The following CLVS1 variants were observed in gnomAD, a reference collection of about 807,000 sequenced individuals.
CLVS1 encodes the protein clavesin 1.
A neutral mutation model predicts 33.1 loss-of-function variants in CLVS1; 10 were observed. The ratio of observed to expected loss-of-function variants is 0.30; its 90% CI spans 0.19 to 0.51. The LOEUF (loss-of-function observed/expected upper bound fraction) is 0.51, where lower values mean the gene tolerates loss of function less well. CLVS1 is among the 20% of genes least tolerant of loss of function. The pLI is 0.97. For missense variants in CLVS1, 343 were observed against 433.4 expected (o/e 0.79, Z 1.85); for synonymous variants, 163 against 166.1 (o/e 0.98, Z 0.14).
chr8:61,424,350 T>G (rs1464371570), intron 3 of CLVS1, among the ~76,000 whole-genome samples: 1 of 152,218 alleles, frequency 6.6e-6, no homozygotes, highest in Non-Finnish European at 1.5e-5. Flanking sequence ...AGCACTACAA[T>G]GAAAGACTAA....
chr8:61,049,202 C>T, the CLVS1 span, among the ~76,000 whole-genome samples: 1 of 152,152 alleles, frequency 6.6e-6, no homozygotes, highest in Non-Finnish European at 1.5e-5. Flanking sequence ...TACAACAGTC[C>T]AGAAACAATC....
upstream of CLVS1, among the ~76,000 whole-genome samples, chr8:61,052,825 G>A (rs1585573043): frequency 6.6e-6 from 1 of 152,174 alleles, no homozygotes; most frequent in East Asian, 1.9e-4. Context: ...CATGCTGACA[G>A]GTTCATTCAG....
chr8:61,320,563 C>A (rs182794446), intron 2 of CLVS1, among the ~76,000 whole-genome samples: 6 of 152,308 alleles, frequency 3.9e-5, no homozygotes, highest in Non-Finnish European at 8.8e-5. Context: ...AGCATCTAAA[C>A]AACAGAAATG....
At chr8:61,270,950 C>T (rs560008262) in intron 2 of CLVS1, among the ~76,000 whole-genome samples, 189 of 151,322 alleles carry the variant, frequency 1.2e-3, no homozygotes, top group African/African-American at 4.4e-3. Context: ...TTTTGTTGAT[C>T]CTGTCAAAAA....
At chr8:61,378,610 C>A (rs924627366) in intron 3 of CLVS1, among the ~76,000 whole-genome samples, 1 of 152,172 alleles carries the variant, frequency 6.6e-6, no homozygotes, top group African/African-American at 2.4e-5. Context: ...CCCTGGGGAG[C>A]TGAGCTGGGG....
chr8:61,090,671 T>G (rs1340797302), intron 1 of CLVS1, among the ~76,000 whole-genome samples: 1 of 152,234 alleles, frequency 6.6e-6, no homozygotes, highest in Non-Finnish European at 1.5e-5. Context: ...CTTTTCATTT[T>G]CACCTGTTTT....
intron 1 of CLVS1, among the ~76,000 whole-genome samples, chr8:61,117,841 G>A (rs1177705556): frequency 6.6e-6 from 1 of 150,862 alleles, no homozygotes; most frequent in Non-Finnish European, 1.5e-5. Flanking sequence ...CTCTTTTTTT[G>A]TTGTGTCTCT....
At chr8:61,030,528 G>A in the CLVS1 span, among the ~76,000 whole-genome samples, 1 of 152,200 alleles carries the variant, frequency 6.6e-6, no homozygotes, top group Non-Finnish European at 1.5e-5. Flanking sequence ...CTGCAGTGTA[G>A]CACTGGTTAA....
intron 2 of CLVS1, among the ~76,000 whole-genome samples, chr8:61,314,971 A>T (rs780359317): frequency 1.3e-5 from 2 of 152,188 alleles, no homozygotes; most frequent in Non-Finnish European, 2.9e-5. Context: ...ATTTTATAAC[A>T]TCTCATCGGT....
chr8:60,973,770 G>C, the CLVS1 span, among the ~76,000 whole-genome samples: 1 of 152,138 alleles, frequency 6.6e-6, no homozygotes, highest in Non-Finnish European at 1.5e-5. Context: ...TAATGCTCAT[G>C]CTCGAGCTCA....
chr8:61,478,029 C>A (rs28793723), intron 5 of CLVS1, among the ~76,000 whole-genome samples: 6 of 151,950 alleles, frequency 3.9e-5, no homozygotes, highest in Non-Finnish European at 7.4e-5. Flanking sequence ...TTTGTTCTCA[C>A]TGGTTTCAAA....
the CLVS1 span, among the ~76,000 whole-genome samples, chr8:60,977,302 T>A: frequency 6.6e-6 from 1 of 152,008 alleles, no homozygotes; most frequent in Non-Finnish European, 1.5e-5. Context: ...AATAGGAAAA[T>A]ATGGTTCATT....
At chr8:61,054,461 A>G (rs1804441675), upstream of CLVS1, among the ~76,000 whole-genome samples, 1 of 152,228 alleles carries the variant, frequency 6.6e-6, no homozygotes, top group African/African-American at 2.4e-5. Context: ...TGGGGAAAGC[A>G]GACCAAGTAA....
At chr8:61,223,555 T>A (rs1273563580) in intron 2 of CLVS1, among the ~76,000 whole-genome samples, 7 of 152,224 alleles carry the variant, frequency 4.6e-5, no homozygotes, top group Admixed American at 3.3e-4. Flanking sequence ...CCACTGTTAC[T>A]CTGATGGGCT....
intron 2 of CLVS1, among the ~76,000 whole-genome samples, chr8:61,311,632 G>A (rs1257339200): frequency 6.6e-6 from 1 of 152,316 alleles, no homozygotes; most frequent in South Asian, 2.1e-4. Flanking sequence ...TGAGGGGGCT[G>A]TACTGACCTG....
At chr8:61,318,510 T>A (rs768714664) in intron 2 of CLVS1, among the ~76,000 whole-genome samples, 16 of 152,234 alleles carry the variant, frequency 1.1e-4, no homozygotes, top group Non-Finnish European at 2.2e-4. Flanking sequence ...TCAGGACTCA[T>A]GCATTTCTGT....
chr8:61,172,532 C>G (rs1204359446), intron 2 of CLVS1, among the ~76,000 whole-genome samples: 1 of 151,934 alleles, frequency 6.6e-6, no homozygotes, highest in Non-Finnish European at 1.5e-5. Flanking sequence ...ATAACATGAA[C>G]AATTCAAGAG....
At chr8:61,192,398 C>T (rs78826486) in intron 2 of CLVS1, among the ~76,000 whole-genome samples, 78,590 of 151,994 alleles carry the variant, frequency 0.52, 21,054 homozygotes, top group Middle Eastern at 0.69. Context: ...AAGACTTAAA[C>T]GTTAAACCTA....
At chr8:61,222,461 G>A (rs184821584) in intron 2 of CLVS1, among the ~76,000 whole-genome samples, 30 of 152,216 alleles carry the variant, frequency 2.0e-4, no homozygotes, top group African/African-American at 6.5e-4. Context: ...TTCAGGAGCA[G>A]GTTGTTCAAT....
Sources: gnomAD v4.1 joint callset for allele counts (sites outside exome capture counted in the v4.1 genomes callset) on GRCh38, gnomAD v4.1.1 for gene constraint, MANE v1.5 for transcripts, NCBI Gene and HGNC (gene_info 2026-07-23, HGNC 2026-07-21) for gene names.